The following KATNAL1 variants were observed in gnomAD, a reference collection of about 807,000 sequenced individuals.
The protein encoded by KATNAL1 is katanin catalytic subunit A1 like 1.
In KATNAL1, 32 loss-of-function variants were observed where a neutral mutation model predicts 55.2. That is an observed-to-expected ratio of 0.58 (90% CI 0.44 to 0.78). The LOEUF (loss-of-function observed/expected upper bound fraction) is 0.78. Ranked by LOEUF, KATNAL1 falls within the 30% of genes least tolerant of loss-of-function variation. The pLI is 0.00. For missense variants in KATNAL1, 466 were observed against 600.9 expected (o/e 0.78, Z 2.35); for synonymous variants, 193 against 193.6 (o/e 1.00, Z 0.02).
intron 1 of KATNAL1, chr13:30,296,410 C>T: frequency 1.0e-6 from 1 of 967,406 alleles, no homozygotes; most frequent in Admixed American, 1.8e-5. Flanking sequence ...CTTGGATTAA[C>T]ATCCCCCGGA....
At chr13:30,283,421 A>G (rs1426261062) in intron 2 of KATNAL1, among the ~76,000 whole-genome samples, 195 bp downstream of exon 2, 9 of 152,118 alleles carry the variant, frequency 5.9e-5, no homozygotes, top group African/African-American at 1.9e-4. Context: ...CCCTCACGAA[A>G]TATATGATCA....
intron 4 of KATNAL1, among the ~76,000 whole-genome samples, chr13:30,251,995 G>A (rs1448789685): frequency 1.3e-5 from 2 of 151,948 alleles, no homozygotes; most frequent in Non-Finnish European, 2.9e-5. Context: ...AAAAGAAAAA[G>A]AAAAAAGACA....
At chr13:30,221,098 A>C (rs1270171410) in intron 9 of KATNAL1, among the ~76,000 whole-genome samples, 1 of 152,248 alleles carries the variant, frequency 6.6e-6, no homozygotes. Flanking sequence ...AGATAATATA[A>C]GATGGAATCT....
intron 3 of KATNAL1, among the ~76,000 whole-genome samples, chr13:30,262,791 C>T (rs1235944230): frequency 4.6e-5 from 7 of 151,846 alleles, no homozygotes; most frequent in African/African-American, 1.7e-4. Context: ...ACCAGAGGTA[C>T]AAGGAGGAAC....
chr13:30,243,558 AG>A (rs1333525374), intron 4 of KATNAL1, among the ~76,000 whole-genome samples: 1 of 150,556 alleles, frequency 6.6e-6, no homozygotes, highest in Admixed American at 6.6e-5. Flanking sequence ...AAGCTGAAGA[AG>A]TAAATTCTAA....
rs11348486 is a variant in KATNAL1 at position 30,255,620 on chromosome 13, CAAAAAAA to C, written c.324-12_324-6del. The stretch of plus-strand genomic sequence containing the variant: ...CGCCTGATCTGAGGTGGAGCTCTGA[CAAAAAAA>C]AAAAAAAAAAAATTAAAATTAAAAT... On this transcript the variant is annotated splice_polypyrimidine_tract_variant and splice_region_variant and intron_variant, in intron 3 of 10. Transcript: ENST00000380615. 16 of 1,083,486 alleles carry C rather than the reference CAAAAAAA, an allele frequency of 1.5e-5. No homozygotes were observed. Among genetic ancestry groups the C allele is most frequent in the Admixed American group, 4.8e-5 (1 of 20,818 alleles). The allele number at this position is 1,083,486 out of a possible 1,614,324, so 67.1% of individuals were successfully genotyped here.
intron 9 of KATNAL1, among the ~76,000 whole-genome samples, chr13:30,214,875 C>T (rs11617033): frequency 0.056 from 8,256 of 147,026 alleles, 448 homozygotes; most frequent in African/African-American, 0.14. Flanking sequence ...AAGGACTTCA[C>T]GTCTAAAACA....
chr13:30,252,040 A>G (rs1878366943), intron 4 of KATNAL1, among the ~76,000 whole-genome samples: 1 of 152,240 alleles, frequency 6.6e-6, no homozygotes, highest in Non-Finnish European at 1.5e-5. Flanking sequence ...GTATTATTAT[A>G]AGAAGACAGT....
chr13:30,269,543 C>G (rs1042660675), intron 3 of KATNAL1, among the ~76,000 whole-genome samples: 1 of 145,580 alleles, frequency 6.9e-6, no homozygotes, highest in Admixed American at 6.8e-5. Context: ...TCGTCTGGGA[C>G]GTGAGGAGCC....
chr13:30,233,272 T>C (rs924530606), intron 6 of KATNAL1, among the ~76,000 whole-genome samples: 7 of 151,854 alleles, frequency 4.6e-5, no homozygotes, highest in Non-Finnish European at 7.4e-5. Context: ...AAAAGACAAA[T>C]AATCCAATTT....
chr13:30,269,033 C>G (rs1422587836), intron 3 of KATNAL1, among the ~76,000 whole-genome samples: 1 of 152,108 alleles, frequency 6.6e-6, no homozygotes, highest in African/African-American at 2.4e-5. Context: ...ACAATGAGTA[C>G]TATAAAGAAA....
At chr13:30,285,466 C>A (rs1402946080) in intron 1 of KATNAL1, among the ~76,000 whole-genome samples, 3 of 152,184 alleles carry the variant, frequency 2.0e-5, no homozygotes, top group Admixed American at 1.3e-4. Flanking sequence ...GGCATGCATT[C>A]TCTCTCCTGC....
intron 4 of KATNAL1, among the ~76,000 whole-genome samples, chr13:30,244,463 A>G (rs1039913311): frequency 3.3e-5 from 5 of 152,218 alleles, no homozygotes; most frequent in African/African-American, 1.2e-4. Context: ...GCTGGATCAA[A>G]GGGTATTTCT....
rs932349849 is a variant in KATNAL1, at chr13:30,257,780, G to A, written c.324-2165C>T. On this transcript the variant is annotated intron_variant, in intron 3 of 10. Transcript: ENST00000380615. ...GCTCCTAAATAGTCTGAGTGAAACT[G>A]CTCAAGAAGCCAGACGTGTCGTTTG... Among the ~76,000 whole-genome samples, 5 of 152,182 alleles carry A rather than the reference G, an allele frequency of 3.3e-5. No homozygotes were observed. In the East Asian group the frequency reaches 7.7e-4, roughly 23 times the overall value.
At position 30,227,421 on chromosome 13, in the gene KATNAL1, G is replaced by C. The variant is rs750176968; in HGVS notation, c.1138C>G (p.Leu380Val). 3.7e-6 allele frequency: 6 copies of C among 1,613,402 alleles called. No homozygotes were observed. The Admixed American group carries it at 6.7e-5, about 18-fold the overall frequency. ...AGAGAAGACATCATACCTGTTGGGAGAGGTATATATATCCTTTTTTCTAAC... is the reference window on the plus strand; with the variant it reads ...AGAGAAGACATCATACCTGTTGGGACAGGTATATATATCCTTTTTTCTAAC... ...RRLEKRIYIPLPTAKGRAELL... is the reference protein window; with the variant it reads ...RRLEKRIYIPVPTAKGRAELL... Residue 380 changes from leucine (L) to valine (V), a missense_variant, in exon 9 of 11, where the codon CTC becomes GTC. Leu to Val is a conservative substitution (Grantham distance 32, BLOSUM62 1). Coordinates refer to ENST00000380615, the MANE Select transcript of KATNAL1 (RefSeq NM_032116.5).
At chr13:30,248,703 T>A (rs1878016931) in intron 4 of KATNAL1, among the ~76,000 whole-genome samples, 2 of 152,160 alleles carry the variant, frequency 1.3e-5, no homozygotes, top group African/African-American at 4.8e-5. Context: ...GGCAGGTGGA[T>A]CACCTGAGGT....
chr13:30,223,050 G>A (rs7323270), intron 9 of KATNAL1, among the ~76,000 whole-genome samples: 3,828 of 145,412 alleles, frequency 0.026, 273 homozygotes, highest in African/African-American at 0.098. Context: ...AGCCCAGATC[G>A]CGCCACTGCA....
chr13:30,265,369 A>G (rs1879670703), intron 3 of KATNAL1, among the ~76,000 whole-genome samples: 1 of 150,794 alleles, frequency 6.6e-6, no homozygotes, highest in South Asian at 2.1e-4. Flanking sequence ...AATTTAAAGT[A>G]TAATAATAAT....
At chr13:30,282,966 GA>G (rs553752385) in intron 2 of KATNAL1, among the ~76,000 whole-genome samples, 2,738 of 89,506 alleles carry the variant, frequency 0.031, 30 homozygotes, top group Non-Finnish European at 0.047. Flanking sequence ...AAAAAAAAAA[GA>G]AAAAAAAAAA....
Sources: gnomAD v4.1 joint callset for allele counts (sites outside exome capture counted in the v4.1 genomes callset) on GRCh38, gnomAD v4.1.1 for gene constraint, MANE v1.5 for transcripts, NCBI Gene and HGNC (gene_info 2026-07-23, HGNC 2026-07-21) for gene names.